TNS1: variants seen among roughly 807,000 people sequenced by gnomAD.
TNS1 encodes the protein tensin-1.
TNS1 carries 62 observed loss-of-function variants against 168.6 expected under a neutral mutation model. The ratio of observed to expected loss-of-function variants is 0.37; its 90% confidence interval spans 0.30 to 0.45. The LOEUF is 0.45. Ranked by LOEUF, TNS1 falls within the 20% of genes least tolerant of loss-of-function variation. The probability of loss-of-function intolerance (pLI) is 1.00; values close to 1 mark genes in which losing one functional copy is unlikely to be tolerated. For synonymous variants in TNS1, 934 were observed against 933.2 expected, an observed-to-expected ratio of 1.00 and a Z score of -0.02; for missense variants, 2,240 against 2,339.4, an observed-to-expected ratio of 0.96 and a Z score of 0.88.
intron 12 of TNS1, 178 bp downstream of exon 12, chr2:217,890,784 C>T: frequency 1.6e-6 from 1 of 643,080 alleles, no homozygotes; most frequent in East Asian, 2.7e-5. Context: ...CACAGGCTGG[C>T]TCCCGGGCTC....
chr2:217,963,943 T>C lies in TNS1; in HGVS notation c.186+14822A>G, dbSNP rs374012964. 2.0e-4 allele frequency among the ~76,000 whole-genome samples: 30 copies of C among 151,152 alleles called. No homozygotes were observed. The East Asian group carries it at 3.3e-3, about 17-fold the overall frequency. On this transcript the variant is annotated intron_variant, in intron 3 of 32. Coordinates refer to ENST00000682258, the MANE Select transcript of TNS1 (RefSeq NM_001387777.1). ...GGTAAAATTTCTTAAAAATCAGCTC[T>C]GACTCCCCAGGCCCCAAATCTTAAA...
chr2:217,918,105 C>G (rs957124713), intron 4 of TNS1, among the ~76,000 whole-genome samples: 1 of 152,150 alleles, frequency 6.6e-6, no homozygotes, highest in South Asian at 2.1e-4. Context: ...AACGGAAGAA[C>G]CTGAGCTTTT....
At chr2:217,825,502 C>A (rs1245628422) in intron 22 of TNS1, among the ~76,000 whole-genome samples, 1 of 152,204 alleles carries the variant, frequency 6.6e-6, no homozygotes, top group Non-Finnish European at 1.5e-5. Context: ...TTGGAATGAA[C>A]CATCAGTTTC....
At chr2:217,885,985 C>T in intron 14 of TNS1, 59 bp downstream of exon 14, 1 of 1,598,448 alleles carries the variant, frequency 6.3e-7, no homozygotes, top group Non-Finnish European at 8.6e-7. Context: ...ACCTTCTGAC[C>T]TGGTCCTTAG....
chr2:217,821,581 C>G (rs1452886358), intron 23 of TNS1, among the ~76,000 whole-genome samples, 159 bp downstream of exon 23: 1 of 152,180 alleles, frequency 6.6e-6, no homozygotes, highest in Non-Finnish European at 1.5e-5. Context: ...GACATGTGCC[C>G]TCAATGCACC....
chr2:218,000,237 C>A (rs932766509), intron 1 of TNS1, among the ~76,000 whole-genome samples: 1 of 152,248 alleles, frequency 6.6e-6, no homozygotes, highest in Non-Finnish European at 1.5e-5. Flanking sequence ...AGATATATTA[C>A]TTCTTAGATG....
intron 12 of TNS1, among the ~76,000 whole-genome samples, chr2:217,889,979 G>A (rs1243591817): frequency 3.3e-5 from 5 of 152,220 alleles, no homozygotes; most frequent in South Asian, 2.1e-4. Flanking sequence ...CACCCACGGA[G>A]CAGGATCCCT....
chr2:217,999,207 G>A (rs1958519465), intron 1 of TNS1, among the ~76,000 whole-genome samples: 1 of 152,242 alleles, frequency 6.6e-6, no homozygotes, highest in South Asian at 2.1e-4. Context: ...AAGCCTGGCA[G>A]AGGATGCAGC....
intron 21 of TNS1, among the ~76,000 whole-genome samples, chr2:217,834,778 G>A (rs1944935165): frequency 6.6e-6 from 1 of 152,210 alleles, no homozygotes; most frequent in African/African-American, 2.4e-5. Context: ...GGTCTTTTGA[G>A]TGTGGACGGT....
intron 18 of TNS1, among the ~76,000 whole-genome samples, chr2:217,871,745 C>T (rs376310210): frequency 9.9e-5 from 15 of 152,264 alleles, no homozygotes; most frequent in African/African-American, 2.4e-4. Flanking sequence ...CTCTCCCATC[C>T]GGCCTGGGCC....
At chr2:217,990,914 A>G (rs1023912142) in intron 2 of TNS1, 28 bp downstream of exon 2, 1 of 587,772 alleles carries the variant, frequency 1.7e-6, no homozygotes, top group Non-Finnish European at 3.2e-6. Context: ...GGGTGCTCCC[A>G]TCCCCCACAG....
chr2:217,954,350 C>T (rs1472464008), intron 3 of TNS1, among the ~76,000 whole-genome samples: 3 of 152,124 alleles, frequency 2.0e-5, no homozygotes, highest in South Asian at 2.1e-4. Context: ...ACTGCCAAGG[C>T]GAGATGCAGC....
intron 22 of TNS1, among the ~76,000 whole-genome samples, chr2:217,827,442 G>A (rs896567951): frequency 2.0e-5 from 3 of 152,100 alleles, no homozygotes; most frequent in Non-Finnish European, 2.9e-5. Flanking sequence ...AGTCTGACCC[G>A]GGCAGTGGCA....
intron 18 of TNS1, chr2:217,879,274 A>G: frequency 2.9e-6 from 1 of 346,304 alleles, no homozygotes; most frequent in South Asian, 2.1e-5. Context: ...CCAAGAAGAG[A>G]TGGAGAGACA....
intron 1 of TNS1, among the ~76,000 whole-genome samples, chr2:217,997,528 C>T (rs145693313): frequency 2.6e-5 from 4 of 152,276 alleles, no homozygotes; most frequent in Admixed American, 1.3e-4. Flanking sequence ...CTTCCTCATG[C>T]GTCAGTGCAG....
chr2:217,828,964 G>A (rs1435260674), intron 22 of TNS1, among the ~76,000 whole-genome samples: 1 of 152,186 alleles, frequency 6.6e-6, no homozygotes, highest in Admixed American at 6.5e-5. Flanking sequence ...AGGGGACACT[G>A]GCAATGTTGG....
At chr2:218,031,100 G>C (rs1209326421) in intron 1 of TNS1, among the ~76,000 whole-genome samples, 1 of 118,002 alleles carries the variant, frequency 8.5e-6, no homozygotes, top group Non-Finnish European at 1.6e-5. Flanking sequence ...GAGCGTGTCT[G>C]TGTGTATGAG....
chr2:217,836,903 G>A (rs1559201854), intron 19 of TNS1, among the ~76,000 whole-genome samples: 1 of 152,094 alleles, frequency 6.6e-6, no homozygotes, highest in African/African-American at 2.4e-5. Flanking sequence ...ACAGAGAGAA[G>A]TCGTGTGCTC....
chr2:218,002,589 G>A (rs1343397359), intron 1 of TNS1, among the ~76,000 whole-genome samples: 1 of 151,160 alleles, frequency 6.6e-6, no homozygotes, highest in East Asian at 2.0e-4. Context: ...TCCATTGGGG[G>A]GTGGGGGGGT....
Sources: allele counts gnomAD v4.1 joint callset (sites outside exome capture counted in the v4.1 genomes callset), GRCh38; gene constraint gnomAD v4.1.1; transcripts MANE v1.5; gene names NCBI Gene and HGNC (gene_info 2026-07-23, HGNC 2026-07-21).